Variants in HDAC4 observed in about 807,000 individuals in gnomAD.
The protein encoded by HDAC4 is histone deacetylase 4, also known as histone deacetylase A.
Under a neutral mutation model 135.1 loss-of-function variants are expected in HDAC4, and 16 were observed. The observed-to-expected ratio is 0.12, with a 90% CI of 0.08 to 0.18. HDAC4 has a LOEUF of 0.18. Among genes scored for constraint, HDAC4 ranks in the 10% least tolerant of loss-of-function variants. The probability of loss-of-function intolerance (pLI) is 1.00; values close to 1 mark genes in which losing one functional copy is unlikely to be tolerated. For missense variants in HDAC4, 1,143 were observed against 1,511.8 expected (o/e 0.76, Z 4.05); for synonymous variants, 685 against 653.4 (o/e 1.05, Z -0.74).
intron 2 of HDAC4, among the ~76,000 whole-genome samples, chr2:239,343,514 C>T (rs545436311): frequency 4.6e-5 from 7 of 152,374 alleles, no homozygotes; most frequent in South Asian, 4.1e-4. Flanking sequence ...CCCCAGCCGG[C>T]GGGGCAGGAC....
At chr2:239,268,649 C>T (rs1378116937) in intron 2 of HDAC4, among the ~76,000 whole-genome samples, 1 of 152,212 alleles carries the variant, frequency 6.6e-6, no homozygotes, top group African/African-American at 2.4e-5. Flanking sequence ...AGGGTAATCC[C>T]AGGTGACCAC....
chr2:239,352,550 C>A lies in HDAC4; in HGVS notation c.22+128G>T, dbSNP rs1167344680. 3.4e-6 allele frequency: 3 copies of A among 879,354 alleles called. No homozygotes were observed. The Admixed American group carries it at 6.2e-5, about 18-fold the overall frequency. The allele number at this position is 879,354 out of a possible 1,614,324, so 54.5% of individuals were successfully genotyped here. A position where few individuals can be genotyped will look rare whatever the true frequency, so the allele number is the denominator to read the frequency against. ...ATTTTGCACTTTGTGCTGTCAAAAA[C>A]CAACAGTGACCACTATCAAGAAAAA... On this transcript the variant is annotated intron_variant, in intron 2 of 26. Transcript: ENST00000543185. This position sits in a 1 kb window ranked among gnomAD's most constrained non-coding sequence, Gnocchi z 4.4.
intron 3 of HDAC4, among the ~76,000 whole-genome samples, chr2:239,205,153 T>G (rs186847074): frequency 2.6e-5 from 4 of 152,308 alleles, no homozygotes; most frequent in Admixed American, 2.6e-4. Context: ...GAGTCTGTAC[T>G]CTGAGCTGCA....
Position 239,319,659 on chromosome 2 carries a change from A to G in HDAC4, c.22+33019T>C, listed in dbSNP as rs563509052. On this transcript the variant is annotated intron_variant, in intron 2 of 26. Transcript: ENST00000543185. The stretch of plus-strand genomic sequence containing the variant: ...AAGAATGTCCACAACATCATGTTTG[A>G]GAGCAGCCACATCTGAACATGAATC... Among the ~76,000 whole-genome samples the G allele has an allele frequency of 1.5e-4, 23 of 152,364 alleles. 1 individual carries two copies. In the South Asian group the frequency reaches 4.8e-3, roughly 32 times the overall value.
chr2:239,321,521 C>T (rs1575691332), intron 2 of HDAC4, among the ~76,000 whole-genome samples: 2 of 148,216 alleles, frequency 1.3e-5, no homozygotes, highest in Middle Eastern at 7.1e-3. Flanking sequence ...GTGTTTTGAG[C>T]CAATCTTAAA....
intron 22 of HDAC4, among the ~76,000 whole-genome samples, chr2:239,074,398 C>T (rs886629715): frequency 7.9e-5 from 12 of 152,316 alleles, no homozygotes; most frequent in African/African-American, 2.6e-4. Flanking sequence ...ACTTCTAATC[C>T]CCCTCCAAAA....
intron 2 of HDAC4, among the ~76,000 whole-genome samples, chr2:239,296,782 A>C (rs1248988856): frequency 6.6e-6 from 1 of 151,956 alleles, no homozygotes; most frequent in Non-Finnish European, 1.5e-5. Flanking sequence ...CAGGACTTTC[A>C]CCTCCGCCCG....
intron 2 of HDAC4, among the ~76,000 whole-genome samples, chr2:239,241,675 A>G (rs149457322): frequency 9.5e-4 from 145 of 152,302 alleles, no homozygotes; most frequent in African/African-American, 3.3e-3. Context: ...TTACCCTGAA[A>G]CTTTGCAGTG....
chr2:239,102,669 G>A (rs539073689), intron 16 of HDAC4, 107 bp downstream of exon 16: 2 of 1,293,264 alleles, frequency 1.5e-6, no homozygotes, highest in Non-Finnish European at 2.2e-6. Context: ...CTTATAACCT[G>A]GCAGGCGACA....
At chr2:239,163,068 C>T (rs530605079) in intron 6 of HDAC4, among the ~76,000 whole-genome samples, 1 of 137,702 alleles carries the variant, frequency 7.3e-6, no homozygotes, top group Non-Finnish European at 1.5e-5. Flanking sequence ...GCCACTCGCT[C>T]GCACTGTGCT....
In HDAC4 at chr2:239,309,470, C is replaced by T. The variant is rs930647325; in HGVS notation, c.22+43208G>A. The stretch of plus-strand genomic sequence containing the variant: ...AGCGGGACCCCGCCTTCTCAGCCAC[C>T]TCTCACTAACACTCAGCTCCACTCC... On this transcript the variant is annotated intron_variant, in intron 2 of 26. Coordinates refer to ENST00000543185, the MANE Select transcript of HDAC4 (RefSeq NM_001378414.1). The surrounding 1 kb of genome is among the most constrained non-coding windows in gnomAD (Gnocchi z 4.2). 6.6e-6 allele frequency among the ~76,000 whole-genome samples: 1 copy of T among 152,238 alleles called. No homozygotes were observed. Among genetic ancestry groups the T allele is most frequent in the African/African-American group, 2.4e-5 (1 of 41,480 alleles).
At chr2:239,363,362 C>G (rs894811469) in intron 1 of HDAC4, among the ~76,000 whole-genome samples, 1 of 152,232 alleles carries the variant, frequency 6.6e-6, no homozygotes, top group East Asian at 1.9e-4. Flanking sequence ...GCTTGGGGGA[C>G]TCACACTACC....
At chr2:239,195,892 C>T (rs1385826286) in intron 3 of HDAC4, among the ~76,000 whole-genome samples, 1 of 152,206 alleles carries the variant, frequency 6.6e-6, no homozygotes, top group Non-Finnish European at 1.5e-5. Flanking sequence ...GTTAGTCTCT[C>T]TCTCTCGCTC....
intron 1 of HDAC4, among the ~76,000 whole-genome samples, chr2:239,374,873 C>G (rs1448490157): frequency 4.6e-5 from 7 of 152,346 alleles, no homozygotes; most frequent in Admixed American, 1.3e-4. Flanking sequence ...TGCACAGGCC[C>G]ACCCTGGCGG....
rs756599020 is a variant in HDAC4 at position 239,082,182 on chromosome 2, T to C, written c.2572A>G (p.Ser858Gly). Residue 858 changes from serine (S) to glycine (G), a missense_variant, in exon 21 of 27, where the codon AGC becomes GGC. Transcript: ENST00000543185. ...HGNGTQQAFY[S>G]DPSVLYMSLH... ...GACATGTACAGGACGCTGGGGTCGC[T>C]GTAGAAAGCCTGCTGGGTCCCGTTT... 6.2e-7 allele frequency: 1 copy of C among 1,614,194 alleles called. No homozygotes were observed. The highest frequency in any genetic ancestry group is 8.5e-7 in the Non-Finnish European group (1 of 1,180,028).
At chr2:239,351,297 A>C (rs1241902213) in intron 2 of HDAC4, among the ~76,000 whole-genome samples, 1 of 152,254 alleles carries the variant, frequency 6.6e-6, no homozygotes, top group Non-Finnish European at 1.5e-5. Context: ...CAAGGTATCA[A>C]AAGAGCAAGT....
At chr2:239,104,383 C>T (rs1420062602) in intron 15 of HDAC4, among the ~76,000 whole-genome samples, 1 of 152,182 alleles carries the variant, frequency 6.6e-6, no homozygotes, top group Non-Finnish European at 1.5e-5. Flanking sequence ...TGCCCACCAT[C>T]ACACCTGGCT....
At chr2:239,328,603 G>T (rs2053536396) in intron 2 of HDAC4, among the ~76,000 whole-genome samples, 1 of 152,184 alleles carries the variant, frequency 6.6e-6, no homozygotes, top group African/African-American at 2.4e-5. Context: ...GAGCTGGTGG[G>T]GGAGGAAAAA....
chr2:239,168,002 A>ACGGCTGTGCTCCCGGAGGGC (rs1559545921), intron 5 of HDAC4, among the ~76,000 whole-genome samples: 1 of 151,886 alleles, frequency 6.6e-6, no homozygotes, highest in Non-Finnish European at 1.5e-5. Flanking sequence ...TCGGGGAGGG[A>ACGGCTGTGCTCCCGGAGGGC]CGGCTGTGCT....
Sources: allele counts gnomAD v4.1 joint callset (sites outside exome capture counted in the v4.1 genomes callset), GRCh38; gene constraint gnomAD v4.1.1; non-coding constraint Gnocchi (gnomAD v3.1); transcripts MANE v1.5; gene names NCBI Gene and HGNC (gene_info 2026-07-23, HGNC 2026-07-21).